The following CNOT2 variants were observed in gnomAD, a reference collection of about 807,000 sequenced individuals.
CNOT2 encodes the protein CCR4-NOT transcription complex subunit 2.
A neutral mutation model predicts 72.1 loss-of-function variants in CNOT2; 7 were observed. The observed-to-expected ratio is 0.10, with a 90% CI of 0.06 to 0.18. CNOT2 has a LOEUF of 0.18. CNOT2 is among the 10% of genes least tolerant of loss of function. The pLI is 1.00. For missense variants in CNOT2, 345 were observed against 660.3 expected (o/e 0.52, Z 5.23); for synonymous variants, 196 against 225.6 (o/e 0.87, Z 1.17).
chr12:70,251,404 A>T lies in CNOT2; in HGVS notation c.-96+7924A>T, dbSNP rs187292968. On this transcript the variant is annotated intron_variant, in intron 1 of 15. Transcript: ENST00000229195. ...CACAAATCCTAGGAAAATGTTCTAG[A>T]TTTGGAGAATGGTGAGGTAATCCTC... is the stretch of plus-strand genomic sequence containing the variant. Among the ~76,000 whole-genome samples the T allele has an allele frequency of 2.6e-5, 4 of 152,250 alleles. No homozygotes were observed. In the East Asian group the frequency reaches 7.7e-4, roughly 29 times the overall value.
intron 2 of CNOT2, among the ~76,000 whole-genome samples, chr12:70,299,314 C>T (rs1873413049): frequency 6.6e-6 from 1 of 151,862 alleles, no homozygotes; most frequent in Non-Finnish European, 1.5e-5. Context: ...TGTTGGTGTG[C>T]TGCACCCATT....
intron 11 of CNOT2, 52 bp downstream of exon 11, chr12:70,338,874 C>G (rs767809755): frequency 1.4e-5 from 21 of 1,452,638 alleles, no homozygotes; most frequent in Middle Eastern, 1.8e-4. Context: ...TTCAGACTTC[C>G]AGTTTTTAAT....
chr12:70,248,017 G>A (rs1040453123), intron 1 of CNOT2, among the ~76,000 whole-genome samples: 2 of 152,192 alleles, frequency 1.3e-5, no homozygotes, highest in African/African-American at 2.4e-5. Context: ...AAGGATGTTA[G>A]TAATAGAGTG....
chr12:70,348,448 T>A (rs1417849842), intron 15 of CNOT2, among the ~76,000 whole-genome samples: 1 of 152,150 alleles, frequency 6.6e-6, no homozygotes, highest in Non-Finnish European at 1.5e-5. Flanking sequence ...GAACTATATT[T>A]AAAGAACCTG....
chr12:70,324,341 T>C (rs1878742660), intron 4 of CNOT2: 1 of 150,162 alleles, frequency 6.7e-6, no homozygotes, highest in Non-Finnish European at 1.5e-5. Context: ...GTCCTGTTTT[T>C]ATGGAGAGAG....
intron 1 of CNOT2, among the ~76,000 whole-genome samples, chr12:70,275,439 T>C (rs1031973546): frequency 1.3e-5 from 2 of 152,088 alleles, no homozygotes; most frequent in African/African-American, 2.4e-5. Context: ...TTCCCCTCCT[T>C]GTGCTTCAGC....
chr12:70,276,354 C>A (rs1427173146), intron 1 of CNOT2, among the ~76,000 whole-genome samples: 1 of 151,836 alleles, frequency 6.6e-6, no homozygotes, highest in Non-Finnish European at 1.5e-5. Context: ...AATTCGTAGA[C>A]CCTAAATATT....
intron 1 of CNOT2, among the ~76,000 whole-genome samples, chr12:70,247,663 C>T (rs1409611820): frequency 1.3e-5 from 2 of 152,206 alleles, no homozygotes; most frequent in Non-Finnish European, 2.9e-5. Context: ...TATAGAATGT[C>T]ACACTGTATT....
intron 2 of CNOT2, among the ~76,000 whole-genome samples, chr12:70,296,294 T>C (rs770126535): frequency 3.9e-5 from 6 of 152,102 alleles, no homozygotes; most frequent in Non-Finnish European, 5.9e-5. Context: ...TCCAAAATAG[T>C]GATTGTGGAA....
chr12:70,285,667 C>T (rs1236129858), intron 2 of CNOT2: 1 of 151,408 alleles, frequency 6.6e-6, no homozygotes, highest in Non-Finnish European at 1.5e-5. Context: ...AACTAAAACT[C>T]GTGAAACATA....
intron 15 of CNOT2, 113 bp from the exon 16 acceptor site, chr12:70,353,716 T>A (rs2136103405): frequency 6.8e-7 from 1 of 1,473,716 alleles, no homozygotes; most frequent in South Asian, 1.3e-5. Context: ...ATATCTGTGT[T>A]GATGTTGATT....
At chr12:70,316,006 T>C (rs1021759639) in intron 3 of CNOT2, among the ~76,000 whole-genome samples, 1 of 152,198 alleles carries the variant, frequency 6.6e-6, no homozygotes, top group Non-Finnish European at 1.5e-5. Flanking sequence ...TATTAGCAGC[T>C]GCTGCTACCA....
chr12:70,303,140 A>G (rs2135925432), intron 2 of CNOT2, among the ~76,000 whole-genome samples: 1 of 152,264 alleles, frequency 6.6e-6, no homozygotes. Flanking sequence ...TCCTGAATAC[A>G]GCACACTGAT....
At chr12:70,330,105 C>T (rs923041778) in intron 5 of CNOT2, among the ~76,000 whole-genome samples, 182 bp from the exon 6 acceptor site, 7 of 151,828 alleles carry the variant, frequency 4.6e-5, no homozygotes, top group African/African-American at 9.7e-5. Context: ...CTATAATTTG[C>T]CCTTTATTGT....
intron 1 of CNOT2, among the ~76,000 whole-genome samples, chr12:70,247,731 A>G (rs1038944032): frequency 4.6e-5 from 7 of 152,258 alleles, no homozygotes; most frequent in Admixed American, 2.0e-4. Flanking sequence ...TGACTTGTTT[A>G]TGTTTATGTT....
chr12:70,247,315 C>G (rs1957926275), intron 1 of CNOT2, among the ~76,000 whole-genome samples: 1 of 152,032 alleles, frequency 6.6e-6, no homozygotes, highest in Non-Finnish European at 1.5e-5. Flanking sequence ...CAGGCATGCA[C>G]CCAGCTAATT....
chr12:70,251,542 GA>G (rs1306215538), intron 1 of CNOT2, among the ~76,000 whole-genome samples: 2 of 151,860 alleles, frequency 1.3e-5, no homozygotes, highest in Non-Finnish European at 2.9e-5. Flanking sequence ...TAACCATTAG[GA>G]GGGGAAAAAA....
chr12:70,349,066 C>G (rs1473023659), intron 15 of CNOT2, among the ~76,000 whole-genome samples: 1 of 151,948 alleles, frequency 6.6e-6, no homozygotes, highest in Non-Finnish European at 1.5e-5. Context: ...TGAAAACAGG[C>G]AGAATTGTTG....
At position 70,337,396 on chromosome 12, in the gene CNOT2, G is replaced by T; in HGVS notation, c.783G>T (p.Met261Ile). The stretch of plus-strand genomic sequence containing the variant: ...ATTATTTTCATTACATAGTTGGAAT[G>T]GTAACAAAACCAGCAAATGAACAAT... ...PLAGRAPYVG[M>I]VTKPANEQSQ... The change falls in exon 9 of 16, where the codon ATG (methionine) becomes ATT (isoleucine). Residue 261 changes from methionine to isoleucine, a missense_variant. Transcript: ENST00000229195. The T allele has an allele frequency of 6.2e-7, 1 of 1,606,712 alleles. No individual in the cohort carries two copies. Among genetic ancestry groups the T allele is most frequent in the Non-Finnish European group, 8.5e-7 (1 of 1,174,258 alleles).
Sources: allele counts gnomAD v4.1 joint callset (sites outside exome capture counted in the v4.1 genomes callset), GRCh38; gene constraint gnomAD v4.1.1; transcripts MANE v1.5; gene names NCBI Gene and HGNC (gene_info 2026-07-23, HGNC 2026-07-21).